NMNAT3: variants seen among roughly 807,000 people sequenced by gnomAD.
NMNAT3 encodes the protein nicotinamide nucleotide adenylyltransferase 3, also known as nicotinamide/nicotinic acid mononucleotide adenylyltransferase 3.
Under a neutral mutation model 24.8 loss-of-function variants are expected in NMNAT3, and 21 were observed. The observed-to-expected ratio is 0.85, with a 90% CI of 0.60 to 1.22. The LOEUF (loss-of-function observed/expected upper bound fraction) is 1.22. Among genes scored for constraint, NMNAT3 ranks in the 50% most tolerant of loss-of-function variants. NMNAT3 has a pLI of 0.00. For missense variants in NMNAT3, 387 were observed against 436.6 expected (o/e 0.89, Z 1.01); for synonymous variants, 136 against 155.2 (o/e 0.88, Z 0.92).
At chr3:139,581,371 T>G (rs1279555025) in intron 4 of NMNAT3, among the ~76,000 whole-genome samples, 5 of 117,330 alleles carry the variant, frequency 4.3e-5, no homozygotes, top group African/African-American at 1.6e-4. Context: ...GAGAACATCT[T>G]TTTTTTTTTT....
At position 139,621,135 on chromosome 3, in the gene NMNAT3, T is replaced by G. The variant is rs138942991; in HGVS notation, c.109+6481A>C. ...TATTTTCCACAGCCATTCCACTATT[T>G]ACATCCCCACCAACAGTGTATGAAA... On this transcript the variant is annotated intron_variant, in intron 3 of 6. Coordinates refer to ENST00000643695, the MANE Select transcript of NMNAT3 (RefSeq NM_001320510.2). 4.0e-3 allele frequency among the ~76,000 whole-genome samples: 605 copies of G among 152,310 alleles called. 8 individuals carry two copies. The highest frequency in any genetic ancestry group is 0.014 in the African/African-American group (578 of 41,566).
At chr3:139,663,454 T>C (rs888345786) in intron 1 of NMNAT3, among the ~76,000 whole-genome samples, 1 of 152,222 alleles carries the variant, frequency 6.6e-6, no homozygotes, top group Admixed American at 6.5e-5. Flanking sequence ...GCCATTATTC[T>C]GCCTGTCTCA....
At chr3:139,586,591 A>T (rs2053949668) in intron 3 of NMNAT3, among the ~76,000 whole-genome samples, 1 of 152,196 alleles carries the variant, frequency 6.6e-6, no homozygotes, top group Admixed American at 6.5e-5. Flanking sequence ...CAAGGAGGTC[A>T]TATTCAGTTT....
At chr3:139,634,717 C>T (rs1311430347) in intron 2 of NMNAT3, 70 bp from the exon 3 acceptor site, 1 of 152,162 alleles carries the variant, frequency 6.6e-6, no homozygotes, top group African/African-American at 2.4e-5. Context: ...GCAGGCAGCC[C>T]ACTCTTTAGT....
chr3:139,625,496 A>G (rs2056011684), intron 3 of NMNAT3, among the ~76,000 whole-genome samples: 1 of 152,128 alleles, frequency 6.6e-6, no homozygotes, highest in South Asian at 2.1e-4. Context: ...TCATTTTAGC[A>G]GTTGCATTAG....
chr3:139,660,915 A>G (rs1336950105), intron 1 of NMNAT3, among the ~76,000 whole-genome samples: 1 of 152,252 alleles, frequency 6.6e-6, no homozygotes, highest in East Asian at 1.9e-4. Context: ...AATTTGCTAA[A>G]GAAAACGTGC....
intron 5 of NMNAT3, among the ~76,000 whole-genome samples, chr3:139,574,139 G>A (rs561419169): frequency 2.6e-5 from 4 of 152,256 alleles, no homozygotes; most frequent in Admixed American, 2.0e-4. Context: ...CTGGCACAGT[G>A]CATGGCCCAC....
intron 1 of NMNAT3, among the ~76,000 whole-genome samples, chr3:139,648,835 T>C (rs1025608289): frequency 6.6e-6 from 1 of 152,224 alleles, no homozygotes; most frequent in Admixed American, 6.5e-5. Context: ...TGGGAGATTA[T>C]TGAGTAAATA....
intron 1 of NMNAT3, among the ~76,000 whole-genome samples, chr3:139,647,088 T>C (rs1364705495): frequency 1.3e-5 from 2 of 152,216 alleles, no homozygotes; most frequent in Non-Finnish European, 2.9e-5. Flanking sequence ...GCTTCTCAAT[T>C]TCCTTCTAGC....
chr3:139,638,894 C>G (rs2056601200), intron 1 of NMNAT3, among the ~76,000 whole-genome samples: 1 of 152,182 alleles, frequency 6.6e-6, no homozygotes, highest in Non-Finnish European at 1.5e-5. Context: ...TTCTCCCAAG[C>G]CTTGCTACTT....
chr3:139,666,186 C>A (rs78772374), intron 1 of NMNAT3, among the ~76,000 whole-genome samples: 3,775 of 152,210 alleles, frequency 0.025, 172 homozygotes, highest in African/African-American at 0.086. Context: ...CAGTGACATG[C>A]CTCCCACAGA....
At chr3:139,609,968 C>T (rs952596786) in intron 3 of NMNAT3, 1 of 151,926 alleles carries the variant, frequency 6.6e-6, no homozygotes, top group Non-Finnish European at 1.5e-5. Context: ...GACAGTAAAA[C>T]TAAATAAGCA....
Position 139,666,183 on chromosome 3 carries a change from A to G in NMNAT3, c.-141+11522T>C, listed in dbSNP as rs568805323. On this transcript the variant is annotated intron_variant, in intron 1 of 6. Transcript: ENST00000643695. ...GCTCTTCTTACAATGGGACAGTGACATGCCTCCCACAGAGAGGTGGGTCTA... is the reference window on the plus strand; with the variant it reads ...GCTCTTCTTACAATGGGACAGTGACGTGCCTCCCACAGAGAGGTGGGTCTA... 1.6e-4 allele frequency among the ~76,000 whole-genome samples: 24 copies of G among 152,328 alleles called. No individual in the cohort carries two copies. The South Asian group carries it at 3.9e-3, about 25-fold the overall frequency.
intron 3 of NMNAT3, among the ~76,000 whole-genome samples, chr3:139,611,574 G>A (rs1486082698): frequency 1.3e-5 from 2 of 152,204 alleles, no homozygotes; most frequent in African/African-American, 2.4e-5. Flanking sequence ...GCCCTCTGAA[G>A]TTCACCAAAA....
chr3:139,592,794 T>G (rs1385040700), intron 3 of NMNAT3, among the ~76,000 whole-genome samples: 2 of 152,156 alleles, frequency 1.3e-5, no homozygotes, highest in Non-Finnish European at 2.9e-5. Context: ...CTACCAGGCC[T>G]GCCCTAAAAG....
intron 3 of NMNAT3, among the ~76,000 whole-genome samples, chr3:139,616,565 G>A (rs1405140074): frequency 6.6e-6 from 1 of 152,150 alleles, no homozygotes; most frequent in African/African-American, 2.4e-5. Context: ...AAACTTGTCT[G>A]TTCCCCAGAT....
intron 6 of NMNAT3, among the ~76,000 whole-genome samples, chr3:139,572,396 A>G (rs1419210330): frequency 1.3e-5 from 2 of 152,210 alleles, no homozygotes; most frequent in African/African-American, 2.4e-5. Context: ...AGATGATTAT[A>G]TAGGAGGTAT....
At chr3:139,622,280 C>G (rs2055811043) in intron 3 of NMNAT3, among the ~76,000 whole-genome samples, 1 of 151,996 alleles carries the variant, frequency 6.6e-6, no homozygotes, top group Non-Finnish European at 1.5e-5. Context: ...GCCATTCTGA[C>G]CGGGTAAGAT....
chr3:139,615,550 G>A lies in NMNAT3; in HGVS notation c.109+12066C>T, dbSNP rs1332661451. 8.0e-5 allele frequency among the ~76,000 whole-genome samples: 12 copies of A among 149,972 alleles called. No homozygotes were observed. The South Asian group carries it at 8.4e-4, about 11-fold the overall frequency. Reference sequence around the variant, plus strand: ...TATCCTTTTTATCTTATCTATTCATGAGTTCACCCTGATACCTTTAATTCC... The same window carrying A: ...TATCCTTTTTATCTTATCTATTCATAAGTTCACCCTGATACCTTTAATTCC... On this transcript the variant is annotated intron_variant, in intron 3 of 6. Coordinates refer to ENST00000643695, the MANE Select transcript of NMNAT3 (RefSeq NM_001320510.2).
Sources: allele counts gnomAD v4.1 joint callset (sites outside exome capture counted in the v4.1 genomes callset), GRCh38; gene constraint gnomAD v4.1.1; transcripts MANE v1.5; gene names NCBI Gene and HGNC (gene_info 2026-07-23, HGNC 2026-07-21).